The following IFT74 variants were observed in gnomAD, a reference collection of about 807,000 sequenced individuals.
IFT74 encodes the protein intraflagellar transport 74.
A neutral mutation model predicts 96.7 loss-of-function variants in IFT74; 92 were observed. That is an observed-to-expected ratio of 0.95 (90% CI 0.80 to 1.13). The LOEUF is 1.13. IFT74 is among the 50% of genes most tolerant of loss of function. IFT74 has a pLI of 0.00. For synonymous variants in IFT74, 223 were observed against 213.2 expected (o/e 1.05, Z -0.40); for missense variants, 811 against 698.2 (o/e 1.16, Z -1.82).
intron 13 of IFT74, chr9:27,036,749 C>A (rs904772323): frequency 8.3e-7 from 1 of 1,198,240 alleles, no homozygotes; most frequent in East Asian, 3.6e-5. Context: ...TAAGAGAGAG[C>A]GTAAAGTGCT....
In IFT74 at chr9:27,062,720, G is replaced by T. The variant is rs1189322684; in HGVS notation, c.1787G>T (p.Ser596Ile). 4 of 1,586,146 alleles carry T rather than the reference G, an allele frequency of 2.5e-6. No homozygotes were observed. Among genetic ancestry groups the T allele is most frequent in the Non-Finnish European group, 1.7e-6 (2 of 1,159,516 alleles). ...YNKTIVDALH[S>I]TSGN ...AAAACCATCGTGGATGCTTTACATAGCACCAGCGGAAACTGAGTTTAAGTC... is the reference window on the plus strand; with the variant it reads ...AAAACCATCGTGGATGCTTTACATATCACCAGCGGAAACTGAGTTTAAGTC... The change falls in exon 20 of 20, where the codon AGC becomes ATC. Residue 596 changes from serine (S) to isoleucine (I), a missense_variant. Physicochemically the swap from Ser to Ile is moderately radical, Grantham distance 142 (BLOSUM62 -2). Coordinates refer to ENST00000380062, the MANE Select transcript of IFT74 (RefSeq NM_025103.4).
At chr9:26,954,553 C>T (rs534912207), upstream of IFT74, among the ~76,000 whole-genome samples, 14 of 150,378 alleles carry the variant, frequency 9.3e-5, no homozygotes, top group East Asian at 1.9e-3. Context: ...GTACAGGGTG[C>T]ACTGAGGACA....
chr9:27,061,789 G>A (rs192209389), intron 19 of IFT74, among the ~76,000 whole-genome samples: 1 of 151,830 alleles, frequency 6.6e-6, no homozygotes, highest in African/African-American at 2.4e-5. Flanking sequence ...GTAAGATCCT[G>A]AGAAGTTTGA....
At chr9:26,979,941 C>T (rs1178391140) in intron 3 of IFT74, among the ~76,000 whole-genome samples, 1 of 152,006 alleles carries the variant, frequency 6.6e-6, no homozygotes, top group African/African-American at 2.4e-5. Flanking sequence ...TCTTGAACTT[C>T]TGACCTCAAG....
At chr9:27,040,309 G>A (rs914081370) in intron 13 of IFT74, among the ~76,000 whole-genome samples, 2 of 152,074 alleles carry the variant, frequency 1.3e-5, no homozygotes, top group Non-Finnish European at 2.9e-5. Context: ...CCAGCACTCT[G>A]GGAGGCTGAA....
chr9:26,980,311 A>G (rs990170914), intron 3 of IFT74, among the ~76,000 whole-genome samples: 2 of 152,072 alleles, frequency 1.3e-5, no homozygotes, highest in Non-Finnish European at 2.9e-5. Flanking sequence ...TTTTCATTCC[A>G]TCGTCCTGTT....
At chr9:26,965,591 A>G (rs1826573913) in intron 2 of IFT74, among the ~76,000 whole-genome samples, 1 of 152,114 alleles carries the variant, frequency 6.6e-6, no homozygotes, top group Non-Finnish European at 1.5e-5. Context: ...TCTGACATTT[A>G]TTGGCCACCT....
intron 8 of IFT74, chr9:26,995,632 G>A (rs1194700603): frequency 6.2e-7 from 1 of 1,613,472 alleles, no homozygotes; most frequent in East Asian, 2.2e-5. Flanking sequence ...TTTCTTCAGA[G>A]TTTGTTTCTG....
intron 12 of IFT74, among the ~76,000 whole-genome samples, chr9:27,022,989 C>A (rs1829689296): frequency 6.6e-6 from 1 of 152,062 alleles, no homozygotes; most frequent in African/African-American, 2.4e-5. Context: ...AGCGGTGCTA[C>A]TGATTTGTGT....
intron 1 of IFT74, among the ~76,000 whole-genome samples, chr9:26,949,441 C>G (rs1469009754): frequency 6.6e-6 from 1 of 152,158 alleles, no homozygotes; most frequent in Non-Finnish European, 1.5e-5. Context: ...TAAGGACTTT[C>G]CACTTTAACC....
chr9:27,042,583 G>C (rs186871507), intron 13 of IFT74, among the ~76,000 whole-genome samples: 1 of 152,216 alleles, frequency 6.6e-6, no homozygotes, highest in East Asian at 1.9e-4. Flanking sequence ...AGTGTCTTGG[G>C]GTTTAAAAGC....
intron 14 of IFT74, among the ~76,000 whole-genome samples, chr9:27,046,762 C>G (rs901598505): frequency 6.6e-6 from 1 of 152,100 alleles, no homozygotes; most frequent in Non-Finnish European, 1.5e-5. Flanking sequence ...ATATTTATAA[C>G]TTTCTGATTT....
chr9:26,957,943 T>A (rs1399063927), intron 1 of IFT74, among the ~76,000 whole-genome samples: 1 of 151,872 alleles, frequency 6.6e-6, no homozygotes, highest in East Asian at 1.9e-4. Flanking sequence ...TTAGTAGAGA[T>A]AGGGTTTCAC....
At chr9:26,995,077 G>C (rs575141605) in intron 8 of IFT74, 13 of 152,448 alleles carry the variant, frequency 8.5e-5, no homozygotes, top group Non-Finnish European at 1.5e-4. Context: ...ATCAATCTTA[G>C]TGTATTATTT....
chr9:26,997,760 T>A, intron 8 of IFT74: 1 of 1,610,782 alleles, frequency 6.2e-7, no homozygotes, highest in Non-Finnish European at 8.5e-7. Context: ...CAACCAGTTC[T>A]GCAAATTAAA....
chr9:26,985,343 A>G (rs939569621), intron 6 of IFT74, among the ~76,000 whole-genome samples: 1 of 152,164 alleles, frequency 6.6e-6, no homozygotes, highest in Non-Finnish European at 1.5e-5. Flanking sequence ...ACTAATGGGT[A>G]TTAGCTTAGT....
intron 2 of IFT74, among the ~76,000 whole-genome samples, chr9:26,976,272 T>C (rs890266497): frequency 2.0e-5 from 3 of 152,098 alleles, no homozygotes; most frequent in Non-Finnish European, 2.9e-5. Context: ...GCCCCCAGAA[T>C]TGTTAGAAAG....
intron 18 of IFT74, among the ~76,000 whole-genome samples, chr9:27,059,667 A>G (rs1277289961): frequency 6.6e-6 from 1 of 152,234 alleles, no homozygotes. Flanking sequence ...CAGCACATAC[A>G]GTTCACATAA....
intron 8 of IFT74, chr9:26,999,853 C>A: frequency 1.8e-6 from 1 of 541,376 alleles, no homozygotes; most frequent in Non-Finnish European, 3.1e-6. Context: ...CTCACTGCAG[C>A]CTTGATCTCC....
Sources: gnomAD v4.1 joint callset for allele counts (sites outside exome capture counted in the v4.1 genomes callset) on GRCh38, gnomAD v4.1.1 for gene constraint, MANE v1.5 for transcripts, NCBI Gene and HGNC (gene_info 2026-07-23, HGNC 2026-07-21) for gene names.